The following BAIAP2L1 variants were observed in gnomAD, a reference collection of about 807,000 sequenced individuals.
BAIAP2L1 encodes BAR/IMD domain-containing adapter protein 2-like 1.
Under a neutral mutation model 66.3 loss-of-function variants are expected in BAIAP2L1, and 35 were observed. The observed-to-expected ratio is 0.53, with a 90% CI of 0.40 to 0.70. The LOEUF is 0.70. BAIAP2L1 is among the 30% of genes least tolerant of loss of function. BAIAP2L1 has a pLI of 0.00. For missense variants in BAIAP2L1, 622 were observed against 656.9 expected, an observed-to-expected ratio of 0.95 and a Z score of 0.58; for synonymous variants, 269 against 248.7, an observed-to-expected ratio of 1.08 and a Z score of -0.77.
At chr7:98,302,035 G>A (rs574606473) in intron 12 of BAIAP2L1, among the ~76,000 whole-genome samples, 15 of 152,280 alleles carry the variant, frequency 9.9e-5, no homozygotes, top group African/African-American at 4.8e-5. Flanking sequence ...TGCACCGTGC[G>A]CTGGCAGTCT....
intron 12 of BAIAP2L1, among the ~76,000 whole-genome samples, chr7:98,297,620 TC>T (rs1321735280): frequency 7.2e-5 from 11 of 152,340 alleles, no homozygotes; most frequent in African/African-American, 2.6e-4. Context: ...CCCGGACTTG[TC>T]TTCCAGTTCA....
At chr7:98,367,361 G>C (rs1802408677) in intron 1 of BAIAP2L1, among the ~76,000 whole-genome samples, 1 of 151,818 alleles carries the variant, frequency 6.6e-6, no homozygotes, top group Non-Finnish European at 1.5e-5. Context: ...TTTGGGGGAA[G>C]GTTTCATCAT....
Position 98,317,486 on chromosome 7 carries a change from C to A in BAIAP2L1, c.349-130G>T, listed in dbSNP as rs1801110814. On this transcript the variant is annotated intron_variant, in intron 5 of 13. Coordinates refer to ENST00000005260, the MANE Select transcript of BAIAP2L1 (RefSeq NM_018842.5). ...ACACCCTCACTTCACACCATCCTCA[C>A]ACTGGCTGGGGCCCCCACACCCACA... The A allele has an allele frequency of 4.8e-6, 6 of 1,261,356 alleles. No individual in the cohort carries two copies. The Admixed American group carries it at 8.0e-5, about 17-fold the overall frequency. The allele number at this position is 1,261,356 out of a possible 1,614,324, so 78.1% of individuals were successfully genotyped here.
intron 12 of BAIAP2L1, among the ~76,000 whole-genome samples, chr7:98,295,135 C>T (rs77467006): frequency 4.4e-4 from 67 of 152,338 alleles, no homozygotes; most frequent in African/African-American, 1.6e-3. Context: ...TAGGGGAGGC[C>T]CTCTCATGCC....
In BAIAP2L1 at chr7:98,401,050, T is replaced by C; in HGVS notation, c.-198A>G. On this transcript the variant is annotated 5_prime_UTR_variant, in exon 1 of 14. Coordinates refer to ENST00000005260, the MANE Select transcript of BAIAP2L1 (RefSeq NM_018842.5). The stretch of plus-strand genomic sequence containing the variant: ...ACTTGCGGCAGCGCCGCCCTGGCCT[T>C]CTTCGAGGAGCAGAGGAGAAGCGGC... 1 of 413,904 alleles carries C rather than the reference T, an allele frequency of 2.4e-6. No homozygotes were observed. Among genetic ancestry groups the C allele is most frequent in the Non-Finnish European group, 4.1e-6 (1 of 244,612 alleles). The allele number at this position is 413,904 out of a possible 1,614,324, so 25.6% of individuals were successfully genotyped here.
intron 1 of BAIAP2L1, chr7:98,386,544 T>G (rs899974526): frequency 1.3e-6 from 2 of 1,597,468 alleles, no homozygotes; most frequent in Non-Finnish European, 1.7e-6. Flanking sequence ...GGCTCCCTTT[T>G]TGCCGCCTTT....
chr7:98,378,277 C>T (rs1390724530), intron 1 of BAIAP2L1, among the ~76,000 whole-genome samples: 1 of 152,092 alleles, frequency 6.6e-6, no homozygotes, highest in Non-Finnish European at 1.5e-5. Flanking sequence ...AAGGTAGTTT[C>T]CTGGTGTGTT....
intron 1 of BAIAP2L1, chr7:98,386,493 T>G (rs1395260814): frequency 1.3e-6 from 2 of 1,597,054 alleles, no homozygotes; most frequent in Non-Finnish European, 1.7e-6. Flanking sequence ...TTTCACATCA[T>G]ACCAATCTTT....
intron 3 of BAIAP2L1, among the ~76,000 whole-genome samples, chr7:98,331,465 C>T (rs377352373): frequency 2.9e-4 from 33 of 115,634 alleles, no homozygotes; most frequent in South Asian, 5.7e-4. Context: ...AAAGAAAAAT[C>T]TTTTTTTTTT....
At chr7:98,389,933 T>TTTTTTTTTTTTG (rs71292947) in intron 1 of BAIAP2L1, among the ~76,000 whole-genome samples, 1 of 150,732 alleles carries the variant, frequency 6.6e-6, no homozygotes. Context: ...TTTTTTTTTT[T>TTTTTTTTTTTTG]GAGAGGTAGT....
chr7:98,302,696 G>A (rs566538272), intron 12 of BAIAP2L1, among the ~76,000 whole-genome samples: 3 of 152,188 alleles, frequency 2.0e-5, no homozygotes, highest in Non-Finnish European at 2.9e-5. Flanking sequence ...GCAGAGGGGG[G>A]ACCTGTAGCT....
intron 1 of BAIAP2L1, among the ~76,000 whole-genome samples, chr7:98,379,687 G>A (rs1802712933): frequency 6.6e-6 from 1 of 152,126 alleles, no homozygotes; most frequent in Non-Finnish European, 1.5e-5. Context: ...TCCATCAACT[G>A]GTGAATGAAC....
At chr7:98,320,733 C>T (rs946217927) in intron 3 of BAIAP2L1, among the ~76,000 whole-genome samples, 6 of 152,200 alleles carry the variant, frequency 3.9e-5, no homozygotes, top group Non-Finnish European at 8.8e-5. Context: ...CCCTGAGACA[C>T]ATCAGGAGCA....
At chr7:98,374,396 T>C (rs1364373395) in intron 1 of BAIAP2L1, among the ~76,000 whole-genome samples, 1 of 152,224 alleles carries the variant, frequency 6.6e-6, no homozygotes, top group African/African-American at 2.4e-5. Context: ...TCCCACTTGA[T>C]AGACAAGATA....
At chr7:98,394,792 C>T (rs1007574300) in intron 1 of BAIAP2L1, among the ~76,000 whole-genome samples, 6 of 152,186 alleles carry the variant, frequency 3.9e-5, no homozygotes, top group Admixed American at 3.3e-4. Context: ...TCATAAAGCA[C>T]GACTCATAAT....
intron 13 of BAIAP2L1, 128 bp from the exon 14 acceptor site, chr7:98,293,724 C>G: frequency 5.9e-6 from 5 of 851,644 alleles, no homozygotes; most frequent in Non-Finnish European, 7.7e-6. Context: ...TTGTACAGGT[C>G]CCAGCAGCGT....
chr7:98,320,722 T>A (rs1801218847), intron 3 of BAIAP2L1, among the ~76,000 whole-genome samples: 1 of 152,142 alleles, frequency 6.6e-6, no homozygotes, highest in Non-Finnish European at 1.5e-5. Flanking sequence ...CTAAGCATCA[T>A]CCCTGAGACA....
At chr7:98,298,200 C>T (rs1317414547) in intron 12 of BAIAP2L1, among the ~76,000 whole-genome samples, 1 of 152,252 alleles carries the variant, frequency 6.6e-6, no homozygotes. Flanking sequence ...CACAGGACAG[C>T]TGTGGGGCTT....
chr7:98,346,235 TGG>T, intron 3 of BAIAP2L1, among the ~76,000 whole-genome samples: 2 of 152,202 alleles, frequency 1.3e-5, no homozygotes, highest in African/African-American at 4.8e-5. Context: ...AACAATTCAA[TGG>T]AACCAGCAGT....
Sources: allele counts gnomAD v4.1 joint callset (sites outside exome capture counted in the v4.1 genomes callset), GRCh38; gene constraint gnomAD v4.1.1; transcripts MANE v1.5; gene names NCBI Gene and HGNC (gene_info 2026-07-23, HGNC 2026-07-21).